The following BTBD9 variants were observed in gnomAD, a reference collection of about 807,000 sequenced individuals.
BTBD9 encodes BTB domain containing 9.
BTBD9 carries 49 observed loss-of-function variants against 64.3 expected under a neutral mutation model. The ratio of observed to expected loss-of-function variants is 0.76; its 90% CI spans 0.61 to 0.97. The LOEUF (loss-of-function observed/expected upper bound fraction) is 0.97. Among genes scored for constraint, BTBD9 ranks in the 50% least tolerant of loss-of-function variants. The pLI is 0.00. For synonymous variants in BTBD9, 260 were observed against 274.7 expected (o/e 0.95, Z 0.53); for missense variants, 598 against 762.1 (o/e 0.78, Z 2.53).
chr6:38,282,134 A>G (rs938581394), intron 8 of BTBD9, among the ~76,000 whole-genome samples: 13 of 152,212 alleles, frequency 8.5e-5, no homozygotes, highest in African/African-American at 3.1e-4. Context: ...GTTAGTTATT[A>G]TGACTCTACT....
chr6:38,253,734 G>A (rs1476962656), intron 9 of BTBD9, among the ~76,000 whole-genome samples: 4 of 152,190 alleles, frequency 2.6e-5, no homozygotes, highest in Non-Finnish European at 4.4e-5. Context: ...TTCATGGGCC[G>A]TGGAGGCCCT....
chr6:38,351,511 T>TTC (rs1764511856), intron 6 of BTBD9, among the ~76,000 whole-genome samples: 1 of 140,502 alleles, frequency 7.1e-6, no homozygotes, highest in East Asian at 2.0e-4. Flanking sequence ...GTTGTTGTTT[T>TTC]TTTTTTTTTT....
chr6:38,264,148 G>T (rs937555753), intron 8 of BTBD9, among the ~76,000 whole-genome samples: 2 of 152,186 alleles, frequency 1.3e-5, no homozygotes, highest in African/African-American at 4.8e-5. Flanking sequence ...CATCAGTGGA[G>T]CTGCAGGGAG....
At chr6:38,179,484 C>G (rs1761442168) in intron 10 of BTBD9, 1 of 456,654 alleles carries the variant, frequency 2.2e-6, no homozygotes, top group African/African-American at 2.0e-5. Flanking sequence ...CCAGTTACAG[C>G]AGCTCAGACC....
intron 6 of BTBD9, among the ~76,000 whole-genome samples, chr6:38,470,904 G>A (rs887249271): frequency 9.9e-5 from 15 of 152,170 alleles, no homozygotes; most frequent in African/African-American, 3.1e-4. Context: ...TTAATTATAC[G>A]ATTCACTGCT....
intron 8 of BTBD9, among the ~76,000 whole-genome samples, chr6:38,284,911 G>C (rs1761671652): frequency 6.6e-6 from 1 of 152,222 alleles, no homozygotes; most frequent in South Asian, 2.1e-4. Flanking sequence ...ATTGGAGGCA[G>C]GAGGGTAAGA....
intron 6 of BTBD9, among the ~76,000 whole-genome samples, chr6:38,446,352 C>G (rs1438702874): frequency 6.6e-6 from 1 of 151,426 alleles, no homozygotes; most frequent in Non-Finnish European, 1.5e-5. Context: ...GTTTAATAGG[C>G]AAAAGAAAGA....
chr6:38,402,765 C>A, intron 6 of BTBD9: 1 of 698,908 alleles, frequency 1.4e-6, no homozygotes, highest in South Asian at 1.5e-5. Context: ...GCAACAATTT[C>A]TTAGCAATGA....
At chr6:38,320,102 T>C (rs968916008) in intron 7 of BTBD9, among the ~76,000 whole-genome samples, 1 of 152,028 alleles carries the variant, frequency 6.6e-6, no homozygotes, top group Non-Finnish European at 1.5e-5. Flanking sequence ...ACTCTCCCCC[T>C]CCCCCAAATG....
At chr6:38,392,676 T>C (rs543465565) in intron 6 of BTBD9, among the ~76,000 whole-genome samples, 1 of 152,226 alleles carries the variant, frequency 6.6e-6, no homozygotes, top group African/African-American at 2.4e-5. Context: ...AAGAAAGAAA[T>C]GGCAGTCAGA....
intron 6 of BTBD9, among the ~76,000 whole-genome samples, chr6:38,493,793 T>C (rs1771806428): frequency 6.6e-6 from 1 of 152,168 alleles, no homozygotes; most frequent in South Asian, 2.1e-4. Flanking sequence ...AACTCTACAG[T>C]CTCATCATGC....
At chr6:38,237,487 T>C (rs1763816388) in intron 9 of BTBD9, among the ~76,000 whole-genome samples, 1 of 152,224 alleles carries the variant, frequency 6.6e-6, no homozygotes, top group East Asian at 1.9e-4. Context: ...TGGAGATAAA[T>C]GGCAGTCCCC....
chr6:38,537,841 G>A (rs1306941593), intron 6 of BTBD9, among the ~76,000 whole-genome samples: 1 of 152,108 alleles, frequency 6.6e-6, no homozygotes, highest in East Asian at 1.9e-4. Context: ...TGGTAGTGAT[G>A]TATAACACTT....
At position 38,171,581 on chromosome 6, in the gene BTBD9, TGTGTGTGTGTGTGTGTGTGTGTGA is replaced by T. The variant is rs1418588528; in HGVS notation, c.*3380_*3403del. ...GTGTGTGTGTGTGTGTGTGTGTGTG[TGTGTGTGTGTGTGTGTGTGTGTGA>T]GAGGGAGAGACGGTGGGGGCGGGGG... On this transcript the variant is annotated 3_prime_UTR_variant, in exon 11 of 11. Coordinates refer to ENST00000481247, the MANE Select transcript of BTBD9 (RefSeq NM_001099272.2). The T allele has an allele frequency of 2.3e-4, 32 of 139,954 alleles. No homozygotes were observed. Among genetic ancestry groups the T allele is most frequent in the African/African-American group, 8.8e-4 (32 of 36,446 alleles). The allele number at this position is 139,954 out of a possible 1,614,324, so 8.7% of individuals were successfully genotyped here.
chr6:38,257,028 G>A (rs1439396175), intron 8 of BTBD9, among the ~76,000 whole-genome samples: 1 of 150,768 alleles, frequency 6.6e-6, no homozygotes, highest in Non-Finnish European at 1.5e-5. Context: ...TCCCACCTCA[G>A]CCTCCTGAGT....
At chr6:38,210,551 TG>T (rs1400734736) in intron 9 of BTBD9, among the ~76,000 whole-genome samples, 38 of 151,198 alleles carry the variant, frequency 2.5e-4, no homozygotes, top group African/African-American at 6.8e-4. Flanking sequence ...TGTGTGTGTG[TG>T]TGTGTGTGTG....
chr6:38,345,661 G>T (rs1178666345), intron 6 of BTBD9, among the ~76,000 whole-genome samples: 1 of 152,016 alleles, frequency 6.6e-6, no homozygotes. Context: ...ATATACTTAC[G>T]CCAGCCCCCC....
intron 8 of BTBD9, among the ~76,000 whole-genome samples, chr6:38,259,887 A>T (rs1764731845): frequency 1.3e-5 from 2 of 152,190 alleles, no homozygotes; most frequent in African/African-American, 2.4e-5. Flanking sequence ...AATGAATCAG[A>T]AAGGATTCCA....
intron 6 of BTBD9, among the ~76,000 whole-genome samples, chr6:38,518,878 C>A (rs1773157851): frequency 1.3e-5 from 2 of 152,006 alleles, no homozygotes; most frequent in Admixed American, 6.6e-5. Context: ...CTCTCAAGAG[C>A]TTATAATCCA....
Sources: allele counts gnomAD v4.1 joint callset (sites outside exome capture counted in the v4.1 genomes callset), GRCh38; gene constraint gnomAD v4.1.1; transcripts MANE v1.5; gene names NCBI Gene and HGNC (gene_info 2026-07-23, HGNC 2026-07-21).